The following LRRC4C variants were observed in gnomAD, a reference collection of about 807,000 sequenced individuals.
The protein encoded by LRRC4C is leucine rich repeat containing 4C.
LRRC4C carries 5 observed loss-of-function variants against 33.6 expected under a neutral mutation model. That is an observed-to-expected ratio of 0.15 (90% confidence interval 0.08 to 0.31). The LOEUF is 0.31. Ranked by LOEUF, LRRC4C falls within the 10% of genes least tolerant of loss-of-function variation. The pLI, the probability that LRRC4C is intolerant of heterozygous loss-of-function variation, is 1.00. For missense variants in LRRC4C, 560 were observed against 796.7 expected (o/e 0.70, Z 3.58); for synonymous variants, 329 against 302.0 (o/e 1.09, Z -0.93).
intron 3 of LRRC4C, among the ~76,000 whole-genome samples, chr11:40,464,009 A>C (rs1218532619): frequency 6.6e-6 from 1 of 152,018 alleles, no homozygotes; most frequent in Admixed American, 6.6e-5. Flanking sequence ...CTGATACCAA[A>C]TCCAAGCAAG....
At chr11:40,179,167 G>A (rs181186993) in intron 5 of LRRC4C, among the ~76,000 whole-genome samples, 35 of 151,886 alleles carry the variant, frequency 2.3e-4, no homozygotes. Flanking sequence ...ACCATGATTG[G>A]ATTTTTTTTA....
intron 2 of LRRC4C, among the ~76,000 whole-genome samples, chr11:40,662,863 C>A (rs1401149167): frequency 6.6e-6 from 1 of 152,164 alleles, no homozygotes; most frequent in Non-Finnish European, 1.5e-5. Context: ...ATGCATAAAG[C>A]ACTTTATAAA....
rs558424453 is a variant in LRRC4C, at chr11:40,448,811, G to A, written c.-269-129090C>T. ...ATGGTATTTCTGGATCTAGATCCTT[G>A]AGGAATTGCCATACTGTCTTCCACA... is the stretch of plus-strand genomic sequence containing the variant. On this transcript the variant is annotated intron_variant, in intron 3 of 6. Transcript: ENST00000528697. Among the ~76,000 whole-genome samples the A allele has an allele frequency of 5.3e-4, 81 of 152,300 alleles. 1 individual carries two copies. Among genetic ancestry groups the A allele is most frequent in the Middle Eastern group, 3.4e-3 (1 of 292 alleles).
At chr11:41,391,874 A>C (rs116562285) in intron 1 of LRRC4C, among the ~76,000 whole-genome samples, 3,102 of 152,076 alleles carry the variant, frequency 0.02, 113 homozygotes, top group African/African-American at 0.071. Flanking sequence ...AGTGCTTATA[A>C]ATTTTTAAGC....
At chr11:40,214,839 T>A (rs548037600) in intron 5 of LRRC4C, among the ~76,000 whole-genome samples, 2 of 152,210 alleles carry the variant, frequency 1.3e-5, no homozygotes, top group South Asian at 4.1e-4. Context: ...TTCTTTGCCC[T>A]TTTTTTCCCC....
At chr11:40,312,135 T>C (rs1945345059) in intron 4 of LRRC4C, among the ~76,000 whole-genome samples, 1 of 152,136 alleles carries the variant, frequency 6.6e-6, no homozygotes, top group African/African-American at 2.4e-5. Flanking sequence ...TCCCTTCTGT[T>C]GATACATAAA....
intron 1 of LRRC4C, among the ~76,000 whole-genome samples, chr11:41,071,846 G>T (rs1938708773): frequency 6.6e-6 from 1 of 152,188 alleles, no homozygotes; most frequent in Admixed American, 6.5e-5. Flanking sequence ...TGTCAACATG[G>T]CAGTATTAAC....
At chr11:40,876,260 GTTTTT>G (rs34351895) in intron 2 of LRRC4C, among the ~76,000 whole-genome samples, 4 of 91,296 alleles carry the variant, frequency 4.4e-5, no homozygotes, top group Non-Finnish European at 6.0e-5. Context: ...CTCAGTTAGG[GTTTTT>G]TTTTTTTTTT....
intron 4 of LRRC4C, among the ~76,000 whole-genome samples, chr11:40,260,780 C>A (rs963399514): frequency 1.3e-5 from 2 of 152,076 alleles, no homozygotes; most frequent in South Asian, 2.1e-4. Flanking sequence ...TCGTGATATA[C>A]CATGATTGTT....
At chr11:40,161,425 G>A (rs1005770103) in intron 5 of LRRC4C, among the ~76,000 whole-genome samples, 5 of 152,138 alleles carry the variant, frequency 3.3e-5, no homozygotes, top group Admixed American at 2.0e-4. Flanking sequence ...TTCTAAAATA[G>A]CTCATGAAAG....
intron 1 of LRRC4C, among the ~76,000 whole-genome samples, chr11:41,360,569 A>G (rs995293784): frequency 9.9e-5 from 15 of 152,182 alleles, no homozygotes; most frequent in African/African-American, 3.6e-4. Flanking sequence ...GGAGGCTATA[A>G]AAGAGTTCCT....
intron 3 of LRRC4C, among the ~76,000 whole-genome samples, chr11:40,616,983 C>A (rs189782730): frequency 2.6e-5 from 4 of 151,354 alleles, no homozygotes; most frequent in Non-Finnish European, 5.9e-5. Flanking sequence ...TTACCAATAG[C>A]TGGTCTTCAT....
At chr11:41,443,010 G>T (rs1532905) in intron 1 of LRRC4C, among the ~76,000 whole-genome samples, 66 of 151,074 alleles carry the variant, frequency 4.4e-4, no homozygotes, top group African/African-American at 1.6e-3. Flanking sequence ...TGAAATGGTA[G>T]AGCTTATACT....
At chr11:40,439,456 CTT>C (rs748189705) in intron 3 of LRRC4C, among the ~76,000 whole-genome samples, 12 of 137,826 alleles carry the variant, frequency 8.7e-5, no homozygotes, top group Non-Finnish European at 9.5e-5. Flanking sequence ...TCCATTTATT[CTT>C]TTTTTTTTTT....
chr11:40,201,287 T>C (rs916075488), intron 5 of LRRC4C, among the ~76,000 whole-genome samples: 1 of 152,224 alleles, frequency 6.6e-6, no homozygotes, highest in Non-Finnish European at 1.5e-5. Flanking sequence ...CATCAATCTA[T>C]GGATTCCCTG....
At chr11:40,524,370 C>A (rs1955952148) in intron 3 of LRRC4C, among the ~76,000 whole-genome samples, 1 of 152,150 alleles carries the variant, frequency 6.6e-6, no homozygotes, top group South Asian at 2.1e-4. Context: ...CTTTTCTACA[C>A]AAATTTATTG....
intron 1 of LRRC4C, among the ~76,000 whole-genome samples, chr11:41,331,395 C>T (rs986188767): frequency 1.4e-4 from 21 of 152,164 alleles, no homozygotes; most frequent in African/African-American, 4.6e-4. Flanking sequence ...GCATCTGCCA[C>T]CGACAAAGAA....
At chr11:41,014,850 A>G (rs1855466926) in intron 1 of LRRC4C, among the ~76,000 whole-genome samples, 1 of 152,102 alleles carries the variant, frequency 6.6e-6, no homozygotes, top group African/African-American at 2.4e-5. Flanking sequence ...TACCCTAGAT[A>G]AAAAGATCGT....
Position 40,633,137 on chromosome 11 carries a change from C to G in LRRC4C, c.-270+15005G>C, listed in dbSNP as rs192235543. On this transcript the variant is annotated intron_variant, in intron 3 of 6. Transcript: ENST00000528697. Reference sequence around the variant, plus strand: ...AAATATGTGGATAGACAAATGAATACTGGATCAGGGAGGGTCCATAGAACA... The same window carrying G: ...AAATATGTGGATAGACAAATGAATAGTGGATCAGGGAGGGTCCATAGAACA... Among the ~76,000 whole-genome samples the G allele has an allele frequency of 3.5e-3, 537 of 152,144 alleles. 2 individuals carry two copies. The highest frequency in any genetic ancestry group is 0.012 in the African/African-American group (511 of 41,520).
Sources: gnomAD v4.1 joint callset for allele counts (sites outside exome capture counted in the v4.1 genomes callset) on GRCh38, gnomAD v4.1.1 for gene constraint, MANE v1.5 for transcripts, NCBI Gene and HGNC (gene_info 2026-07-23, HGNC 2026-07-21) for gene names.